The following DLG2 variants were observed in gnomAD, a reference collection of about 807,000 sequenced individuals.
DLG2 encodes the protein disks large homolog 2.
A neutral mutation model predicts 132.5 loss-of-function variants in DLG2; 45 were observed. That is an observed-to-expected ratio of 0.34 (90% CI 0.27 to 0.44). The LOEUF (loss-of-function observed/expected upper bound fraction) is 0.44, where lower values mean the gene tolerates loss of function less well. DLG2 is among the 20% of genes least tolerant of loss of function. DLG2 has a pLI of 1.00. For synonymous variants in DLG2, 424 were observed against 419.6 expected (o/e 1.01, Z -0.13); for missense variants, 1,045 against 1,196.9 (o/e 0.87, Z 1.87).
At chr11:84,196,784 C>T (rs547374619) in intron 8 of DLG2, among the ~76,000 whole-genome samples, 5 of 151,782 alleles carry the variant, frequency 3.3e-5, no homozygotes, top group Non-Finnish European at 5.9e-5. Context: ...CTCACACCTG[C>T]AATCCCAGCA....
At chr11:84,541,148 A>T (rs2154522196) in intron 6 of DLG2, among the ~76,000 whole-genome samples, 1 of 151,996 alleles carries the variant, frequency 6.6e-6, no homozygotes, top group South Asian at 2.1e-4. Flanking sequence ...TATGTAACAA[A>T]CCTGCATGTT....
intron 6 of DLG2, among the ~76,000 whole-genome samples, chr11:84,704,612 C>T (rs2059588829): frequency 6.6e-6 from 1 of 151,304 alleles, no homozygotes; most frequent in South Asian, 2.1e-4. Context: ...GAGTATACAA[C>T]CTAAATTTTC....
chr11:85,318,460 C>G (rs917375495), intron 3 of DLG2, among the ~76,000 whole-genome samples: 4 of 151,834 alleles, frequency 2.6e-5, no homozygotes, highest in African/African-American at 9.7e-5. Flanking sequence ...AAAGTACACT[C>G]TACGTTTTGA....
intron 6 of DLG2, among the ~76,000 whole-genome samples, chr11:84,928,362 C>T (rs1207753096): frequency 2.0e-5 from 3 of 151,910 alleles, no homozygotes; most frequent in Non-Finnish European, 4.4e-5. Context: ...CTTCTCTCTG[C>T]CACAGAGTAT....
rs143849992 is a variant in DLG2 at position 84,340,461 on chromosome 11, A to G, written c.520-89170T>C. On this transcript the variant is annotated intron_variant, in intron 7 of 27. Transcript: ENST00000376104. ...CATACAGAGATGTAAGAGGTCAGAA[A>G]GAGAGAAAAAAGATACTACATACTT... Among the ~76,000 whole-genome samples, 128 of 152,326 alleles carry G rather than the reference A, an allele frequency of 8.4e-4. 1 individual carries two copies. Among genetic ancestry groups the G allele is most frequent in the Non-Finnish European group, 1.3e-3 (91 of 68,020 alleles).
chr11:84,417,703 A>T (rs1349528503), intron 7 of DLG2, among the ~76,000 whole-genome samples: 1 of 152,038 alleles, frequency 6.6e-6, no homozygotes, highest in Non-Finnish European at 1.5e-5. Context: ...TCAGCTCTTC[A>T]TTTCTCACTG....
intron 15 of DLG2, among the ~76,000 whole-genome samples, chr11:83,909,065 C>T (rs1015435053): frequency 6.6e-6 from 1 of 152,168 alleles, no homozygotes; most frequent in African/African-American, 2.4e-5. Context: ...GCAGACTCTG[C>T]ATCCTTGCCT....
At chr11:85,467,564 T>C (rs771425015) in intron 3 of DLG2, among the ~76,000 whole-genome samples, 1 of 152,210 alleles carries the variant, frequency 6.6e-6, no homozygotes, top group African/African-American at 2.4e-5. Flanking sequence ...TTTATTGAGA[T>C]AGTCATGTAG....
chr11:83,469,099 C>A (rs999975506), intron 25 of DLG2, 102 bp downstream of exon 25: 43 of 809,336 alleles, frequency 5.3e-5, no homozygotes, highest in Non-Finnish European at 7.9e-5. Flanking sequence ...TCAAAATTTA[C>A]AATTGCAATC....
chr11:84,039,086 A>C (rs1194674980), intron 11 of DLG2, among the ~76,000 whole-genome samples: 1 of 152,048 alleles, frequency 6.6e-6, no homozygotes, highest in Non-Finnish European at 1.5e-5. Flanking sequence ...ACCGCCCACA[A>C]TGTTTAGGTA....
At chr11:84,187,128 TAAGTA>T (rs952845998) in intron 8 of DLG2, among the ~76,000 whole-genome samples, 7 of 149,598 alleles carry the variant, frequency 4.7e-5, no homozygotes, top group Admixed American at 2.0e-4. Context: ...TATAAATATA[TAAGTA>T]AAGTATTATA....
At chr11:84,972,675 G>A (rs1283701616) in intron 6 of DLG2, among the ~76,000 whole-genome samples, 1 of 152,054 alleles carries the variant, frequency 6.6e-6, no homozygotes, top group Non-Finnish European at 1.5e-5. Context: ...GCTTTTAATG[G>A]GCCGCTCTGT....
At chr11:84,264,715 C>T (rs1019278969) in intron 7 of DLG2, among the ~76,000 whole-genome samples, 1 of 152,080 alleles carries the variant, frequency 6.6e-6, no homozygotes, top group African/African-American at 2.4e-5. Context: ...TTTTCCTAAC[C>T]AACTAGAAAG....
chr11:83,803,961 G>C (rs1339144784), intron 17 of DLG2, among the ~76,000 whole-genome samples: 1 of 152,078 alleles, frequency 6.6e-6, no homozygotes, highest in African/African-American at 2.4e-5. Flanking sequence ...TCCTCAAGTT[G>C]ATGACATTCT....
chr11:85,352,451 C>G (rs1010953351), intron 3 of DLG2, among the ~76,000 whole-genome samples: 1 of 152,018 alleles, frequency 6.6e-6, no homozygotes, highest in African/African-American at 2.4e-5. Flanking sequence ...CTTCTGCTAG[C>G]TTTTGAATGT....
intron 8 of DLG2, among the ~76,000 whole-genome samples, chr11:84,238,042 TAAAAAAAAAAAA>T (rs71036414): frequency 5.5e-5 from 4 of 73,122 alleles, no homozygotes; most frequent in African/African-American, 1.6e-4. Context: ...AGACTCTGCC[TAAAAAAAAAAAA>T]AAAAAAAAAA....
intron 7 of DLG2, among the ~76,000 whole-genome samples, chr11:84,465,482 T>C (rs572535580): frequency 6.6e-6 from 1 of 151,212 alleles, no homozygotes; most frequent in African/African-American, 2.4e-5. Flanking sequence ...GAGTGGGCCA[T>C]AGAGACAATG....
chr11:85,165,344 C>T (rs913497343), intron 4 of DLG2, among the ~76,000 whole-genome samples: 2 of 152,064 alleles, frequency 1.3e-5, no homozygotes, highest in Non-Finnish European at 2.9e-5. Context: ...CACTAGGCCC[C>T]AAAAGACCAG....
At chr11:85,582,255 G>A (rs2078573315) in intron 3 of DLG2, among the ~76,000 whole-genome samples, 1 of 151,994 alleles carries the variant, frequency 6.6e-6, no homozygotes, top group South Asian at 2.1e-4. Context: ...GTAGTTGTGG[G>A]ATCAATGATT....
Sources: gnomAD v4.1 joint callset for allele counts (sites outside exome capture counted in the v4.1 genomes callset) on GRCh38, gnomAD v4.1.1 for gene constraint, MANE v1.5 for transcripts, NCBI Gene and HGNC (gene_info 2026-07-23, HGNC 2026-07-21) for gene names.